Variants in PTCSC3 observed in about 807,000 individuals in gnomAD.
The protein encoded by PTCSC3 is papillary thyroid carcinoma susceptibility candidate 3 (non-protein coding).
chr14:36,162,019 C>T lies in PTCSC3; in HGVS notation n.231+605G>A, dbSNP rs1328782034. Among the ~76,000 whole-genome samples, 12 of 152,122 alleles carry T rather than the reference C, an allele frequency of 7.9e-5. No homozygotes were observed. In the South Asian group the frequency reaches 2.1e-3, roughly 26 times the overall value. Reference sequence around the variant, plus strand: ...CTTTGTTTACACCGTGAGGGTAAAACCGCCTACTCACACCTCAGTAATGGC... The same window carrying T: ...CTTTGTTTACACCGTGAGGGTAAAATCGCCTACTCACACCTCAGTAATGGC... On this transcript the variant is annotated intron_variant and non_coding_transcript_variant, in intron 2 of 3. Coordinates refer to ENST00000556013, the Ensembl canonical transcript of PTCSC3.
chr14:36,161,682 A>G (rs1160450455), intron 2 of PTCSC3, among the ~76,000 whole-genome samples: 3 of 152,182 alleles, frequency 2.0e-5, no homozygotes, highest in African/African-American at 7.2e-5. Flanking sequence ...GGTGTCTCTC[A>G]GTCAGGAGAC....
intron 3 of PTCSC3, among the ~76,000 whole-genome samples, chr14:36,136,907 C>T (rs554605356): frequency 6.6e-6 from 1 of 152,234 alleles, no homozygotes; most frequent in East Asian, 1.9e-4. Context: ...ACTTAATGAG[C>T]ACCTATTATG....
chr14:36,155,019 T>C (rs1881799702), intron 2 of PTCSC3, among the ~76,000 whole-genome samples: 1 of 152,198 alleles, frequency 6.6e-6, no homozygotes, highest in African/African-American at 2.4e-5. Flanking sequence ...TTATATTCTC[T>C]GCTGGAGCTT....
chr14:36,151,566 T>C (rs1370263073), intron 3 of PTCSC3, among the ~76,000 whole-genome samples: 2 of 152,252 alleles, frequency 1.3e-5, no homozygotes, highest in East Asian at 1.9e-4. Flanking sequence ...TATTATCTTA[T>C]GATAATCTTA....
intron 3 of PTCSC3, among the ~76,000 whole-genome samples, chr14:36,136,835 A>G (rs1362904372): frequency 6.6e-6 from 1 of 152,220 alleles, no homozygotes; most frequent in Non-Finnish European, 1.5e-5. Flanking sequence ...GTTCTTTATT[A>G]TTCTTCAGTA....
chr14:36,166,906 C>T (rs1228864862), intron 1 of PTCSC3, among the ~76,000 whole-genome samples: 2 of 152,112 alleles, frequency 1.3e-5, no homozygotes, highest in African/African-American at 4.8e-5. Flanking sequence ...TAATAGAGTT[C>T]TTATAATCAC....
chr14:36,138,392 A>G (rs1881336363), intron 3 of PTCSC3, among the ~76,000 whole-genome samples: 1 of 152,260 alleles, frequency 6.6e-6, no homozygotes, highest in African/African-American at 2.4e-5. Flanking sequence ...TACACTGTTA[A>G]GAAAATGAAA....
chr14:36,143,531 T>C (rs1199048998), intron 3 of PTCSC3, among the ~76,000 whole-genome samples: 1 of 148,200 alleles, frequency 6.7e-6, no homozygotes, highest in Admixed American at 6.7e-5. Flanking sequence ...TAAATTTGCT[T>C]GAGTTCATTG....
intron 2 of PTCSC3, among the ~76,000 whole-genome samples, chr14:36,159,135 C>A (rs575150987): frequency 7.4e-5 from 11 of 149,336 alleles, no homozygotes; most frequent in African/African-American, 2.2e-4. Flanking sequence ...CTATTTGATT[C>A]TTCTCTCTTT....
In PTCSC3 at chr14:36,136,459, T is replaced by C. The variant is rs551057232; in HGVS notation, n.323-103A>G. The C allele has an allele frequency of 1.6e-4, 24 of 152,326 alleles. No individual in the cohort carries two copies. The East Asian group carries it at 3.7e-3, about 23-fold the overall frequency. 9.4% of individuals were successfully genotyped at this position (152,326 alleles called of 1,614,324 possible). A position where few individuals can be genotyped will look rare whatever the true frequency, so the allele number is the denominator to read the frequency against. On this transcript the variant is annotated intron_variant and non_coding_transcript_variant, in intron 3 of 3. Transcript: ENST00000556013. ...TTAGAAGTAAGTTTGTAACATTGCT[T>C]ATCTAGGATTAATAAGAGGTAAGAG...
intron 3 of PTCSC3, among the ~76,000 whole-genome samples, chr14:36,150,399 G>GC (rs1881693921): frequency 6.6e-6 from 1 of 152,180 alleles, no homozygotes; most frequent in Admixed American, 6.5e-5. Context: ...ACCAAAAAGT[G>GC]TGCTCGCACC....
chr14:36,166,550 C>T (rs1329350602), intron 1 of PTCSC3, among the ~76,000 whole-genome samples: 1 of 152,096 alleles, frequency 6.6e-6, no homozygotes, highest in East Asian at 1.9e-4. Flanking sequence ...AATCAATAGA[C>T]TCACATCATA....
intron 2 of PTCSC3, among the ~76,000 whole-genome samples, chr14:36,161,929 G>A (rs1164841953): frequency 3.3e-5 from 5 of 152,298 alleles, no homozygotes; most frequent in Admixed American, 6.5e-5. Context: ...ATCTGGAGAC[G>A]CAGTCTGGCT....
At chr14:36,145,775 TC>T (rs1881549476) in intron 3 of PTCSC3, among the ~76,000 whole-genome samples, 2 of 148,046 alleles carry the variant, frequency 1.4e-5, no homozygotes, top group East Asian at 3.9e-4. Flanking sequence ...TTTGGATCTT[TC>T]CTGCTTTCTC....
Position 36,142,180 on chromosome 14 carries a change from AGCTGAAAAAG to A in PTCSC3, n.323-5834_323-5825del, listed in dbSNP as rs1471564640. 2.0e-5 allele frequency among the ~76,000 whole-genome samples: 3 copies of A among 152,228 alleles called. No homozygotes were observed. In the East Asian group the frequency reaches 5.8e-4, roughly 29 times the overall value. Reference sequence around the variant, plus strand: ...AGTTTTTGGTAGATATTCCTTATCAAGCTGAAAAAGTTTTCTTAAATTTTTAATTTGCTGA... The same window carrying A: ...AGTTTTTGGTAGATATTCCTTATCAATTTTCTTAAATTTTTAATTTGCTGA... On this transcript the variant is annotated intron_variant and non_coding_transcript_variant, in intron 3 of 3. Transcript: ENST00000556013.
chr14:36,171,059 A>G (rs1002802077), intron 1 of PTCSC3, among the ~76,000 whole-genome samples: 1 of 152,220 alleles, frequency 6.6e-6, no homozygotes, highest in Non-Finnish European at 1.5e-5. Context: ...GGGCTATCCT[A>G]GGAACTTAAC....
chr14:36,168,360 A>AATATATATATATATATATATAT (rs147400390), intron 1 of PTCSC3, among the ~76,000 whole-genome samples: 6 of 113,900 alleles, frequency 5.3e-5, no homozygotes, highest in African/African-American at 1.7e-4. Flanking sequence ...ATTGATTCTG[A>AATATATATATATATATATATAT]ATATATATAT....
chr14:36,174,728 C>T (rs1020455049), intron 1 of PTCSC3, among the ~76,000 whole-genome samples: 1 of 152,166 alleles, frequency 6.6e-6, no homozygotes, highest in Non-Finnish European at 1.5e-5. Flanking sequence ...AACTGTGTCT[C>T]CTGTATAAAT....
intron 3 of PTCSC3, among the ~76,000 whole-genome samples, chr14:36,141,458 T>C (rs1206410142): frequency 1.3e-5 from 2 of 152,016 alleles, no homozygotes; most frequent in African/African-American, 4.8e-5. Context: ...TATATAGATA[T>C]ATATATCTAT....
Sources: allele counts gnomAD v4.1 joint callset (sites outside exome capture counted in the v4.1 genomes callset), GRCh38; gene constraint gnomAD v4.1.1; transcripts MANE v1.5; gene names NCBI Gene and HGNC (gene_info 2026-07-23, HGNC 2026-07-21).